Variants in DOCK2 observed in about 807,000 individuals in gnomAD.
The protein encoded by DOCK2 is dedicator of cytokinesis 2, also known as dedicator of cytokinesis protein 2.
DOCK2 carries 87 observed loss-of-function variants against 248.9 expected under a neutral mutation model. That is an observed-to-expected ratio of 0.35 (90% CI 0.29 to 0.42). The LOEUF (loss-of-function observed/expected upper bound fraction) is 0.42. Among genes scored for constraint, DOCK2 ranks in the 10% least tolerant of loss-of-function variants. The probability of loss-of-function intolerance (pLI) is 1.00; values close to 1 mark genes in which losing one functional copy is unlikely to be tolerated. For missense variants in DOCK2, 1,747 were observed against 2,300.2 expected, an observed-to-expected ratio of 0.76 and a Z score of 4.92; for synonymous variants, 805 against 821.6, an observed-to-expected ratio of 0.98 and a Z score of 0.35.
chr5:169,716,159 C>G (rs981655784), intron 19 of DOCK2, 54 bp from the exon 20 acceptor site: 1 of 1,501,226 alleles, frequency 6.7e-7, no homozygotes, highest in African/African-American at 1.4e-5. Context: ...ATTGCTGGTT[C>G]ACCTGTACTT....
chr5:170,043,875 A>C (rs575514596), intron 38 of DOCK2, among the ~76,000 whole-genome samples: 1 of 152,378 alleles, frequency 6.6e-6, no homozygotes, highest in South Asian at 2.1e-4. Flanking sequence ...CATGATCCCC[A>C]ACCTCAAAAA....
intron 30 of DOCK2, among the ~76,000 whole-genome samples, chr5:170,003,128 A>G (rs1754897948): frequency 1.3e-5 from 2 of 152,226 alleles, no homozygotes; most frequent in Admixed American, 1.3e-4. Context: ...CTCCACAACC[A>G]ATGCTACCAT....
At chr5:169,930,562 A>T (rs572090505) in intron 27 of DOCK2, among the ~76,000 whole-genome samples, 16 of 152,354 alleles carry the variant, frequency 1.1e-4, no homozygotes, top group Admixed American at 7.8e-4. Flanking sequence ...CAGGCTATAG[A>T]TAATAAGAAA....
intron 26 of DOCK2, among the ~76,000 whole-genome samples, chr5:169,804,849 C>G (rs1767256012): frequency 6.6e-6 from 1 of 152,050 alleles, no homozygotes. Flanking sequence ...CTACTCCTAC[C>G]TCATTTAATG....
intron 6 of DOCK2, among the ~76,000 whole-genome samples, chr5:169,679,274 T>C (rs1031231957): frequency 4.6e-5 from 7 of 152,204 alleles, no homozygotes. Context: ...TCTACCCTCA[T>C]CTTGGCTTCA....
intron 22 of DOCK2, among the ~76,000 whole-genome samples, chr5:169,730,497 C>T (rs1199743628): frequency 6.6e-6 from 1 of 152,130 alleles, no homozygotes; most frequent in Non-Finnish European, 1.5e-5. Context: ...TTGCAAACTG[C>T]TCAGAGGGGA....
chr5:169,865,182 C>CGTT (rs888365421), intron 27 of DOCK2, among the ~76,000 whole-genome samples: 3 of 152,082 alleles, frequency 2.0e-5, no homozygotes, highest in East Asian at 1.9e-4. Context: ...ACCTCTTTTT[C>CGTT]GTTGTTGTTG....
intron 27 of DOCK2, among the ~76,000 whole-genome samples, chr5:169,878,097 G>A (rs1040303585): frequency 1.4e-4 from 22 of 152,342 alleles, no homozygotes; most frequent in African/African-American, 5.3e-4. Context: ...AAGCACTGCT[G>A]ACTATTTTTA....
At chr5:170,032,252 T>C (rs1291476652) in intron 34 of DOCK2, among the ~76,000 whole-genome samples, 3 of 152,084 alleles carry the variant, frequency 2.0e-5, no homozygotes, top group Admixed American at 6.5e-5. Context: ...TGTCTCTATC[T>C]CCTGACCTCG....
chr5:169,756,733 C>T, intron 23 of DOCK2, among the ~76,000 whole-genome samples: 1 of 152,132 alleles, frequency 6.6e-6, no homozygotes, highest in East Asian at 1.9e-4. Flanking sequence ...CAAGACCAGC[C>T]TGACCAACGT....
chr5:169,885,754 G>A (rs1181911203), intron 27 of DOCK2, among the ~76,000 whole-genome samples: 1 of 152,170 alleles, frequency 6.6e-6, no homozygotes, highest in African/African-American at 2.4e-5. Flanking sequence ...ACTCTATAAG[G>A]TAGATAATAT....
chr5:170,045,027 T>A (rs1439091878), intron 38 of DOCK2, among the ~76,000 whole-genome samples: 2 of 152,140 alleles, frequency 1.3e-5, no homozygotes, highest in Non-Finnish European at 2.9e-5. Flanking sequence ...TTATCCACTA[T>A]GTCTAGGGTT....
intron 8 of DOCK2, 89 bp from the exon 9 acceptor site, chr5:169,689,163 T>A: frequency 7.8e-7 from 1 of 1,286,196 alleles, no homozygotes; most frequent in Middle Eastern, 1.8e-4. Flanking sequence ...AGTATGGTGT[T>A]GGGCACATAG....
At chr5:170,075,872 T>C (rs1757821967) in intron 46 of DOCK2, 75 bp from the exon 47 acceptor site, 1 of 1,585,072 alleles carries the variant, frequency 6.3e-7, no homozygotes, top group East Asian at 2.2e-5. Flanking sequence ...TGACTGCAGC[T>C]GCCTTGATGG....
chr5:169,990,624 C>A (rs1778181372), intron 29 of DOCK2, among the ~76,000 whole-genome samples: 1 of 152,192 alleles, frequency 6.6e-6, no homozygotes, highest in East Asian at 1.9e-4. Context: ...GTAAAGGAGG[C>A]ACTGAAATGC....
At chr5:170,062,863 C>T (rs1757378408) in intron 44 of DOCK2, among the ~76,000 whole-genome samples, 1 of 151,964 alleles carries the variant, frequency 6.6e-6, no homozygotes, top group Non-Finnish European at 1.5e-5. Context: ...GGCTACTTGG[C>T]AGCCTGGCTT....
At chr5:170,063,100 G>T (rs1396530768) in intron 44 of DOCK2, among the ~76,000 whole-genome samples, 1 of 152,078 alleles carries the variant, frequency 6.6e-6, no homozygotes, top group Non-Finnish European at 1.5e-5. Flanking sequence ...GGAGCAGAGG[G>T]GACTGGCATA....
chr5:169,992,369 T>C (rs1229438245), intron 29 of DOCK2, among the ~76,000 whole-genome samples: 1 of 152,232 alleles, frequency 6.6e-6, no homozygotes, highest in Non-Finnish European at 1.5e-5. Flanking sequence ...TAACGAACTT[T>C]GTTTTCAACA....
In DOCK2 at chr5:169,987,746, G is replaced by A. The variant is rs572997941; in HGVS notation, c.2993+1824G>A. The stretch of plus-strand genomic sequence containing the variant: ...GAAAATTAGAATGTAATTTCCTAAC[G>A]GACCTAATACATTGGAAATCTCTCC... On this transcript the variant is annotated intron_variant, in intron 29 of 51. Transcript: ENST00000520908. Among the ~76,000 whole-genome samples, 5 of 152,208 alleles carry A rather than the reference G, an allele frequency of 3.3e-5. 1 individual carries two copies. The South Asian group carries it at 6.2e-4, about 19-fold the overall frequency.
Sources: allele counts gnomAD v4.1 joint callset (sites outside exome capture counted in the v4.1 genomes callset), GRCh38; gene constraint gnomAD v4.1.1; transcripts MANE v1.5; gene names NCBI Gene and HGNC (gene_info 2026-07-23, HGNC 2026-07-21).